Variants in GUCA1C observed in about 807,000 individuals in gnomAD.
The protein encoded by GUCA1C is guanylyl cyclase-activating protein 3.
Under a neutral mutation model 16.2 loss-of-function variants are expected in GUCA1C, and 15 were observed. The ratio of observed to expected loss-of-function variants is 0.93; its 90% CI spans 0.62 to 1.43. The LOEUF is 1.43. Among genes scored for constraint, GUCA1C ranks in the 40% most tolerant of loss-of-function variants. The pLI is 0.00. For synonymous variants in GUCA1C, 78 were observed against 85.4 expected (o/e 0.91, Z 0.48); for missense variants, 275 against 244.8 (o/e 1.12, Z -0.82).
chr3:108,945,579 T>G (rs1270075633), intron 1 of GUCA1C, among the ~76,000 whole-genome samples: 6 of 152,234 alleles, frequency 3.9e-5, no homozygotes. Flanking sequence ...GAGACAGATC[T>G]TAATTTTGAG....
chr3:108,927,675 C>A (rs1576549446), intron 1 of GUCA1C, among the ~76,000 whole-genome samples: 1 of 152,120 alleles, frequency 6.6e-6, no homozygotes, highest in East Asian at 1.9e-4. Context: ...CTTCACCTTC[C>A]TCTGGTGCTT....
chr3:108,932,922 C>A, intron 1 of GUCA1C, among the ~76,000 whole-genome samples: 4 of 94,348 alleles, frequency 4.2e-5, no homozygotes, highest in Non-Finnish European at 4.6e-5. Context: ...AAAAAAAAAT[C>A]TCAAAAAAAA....
chr3:108,939,323 G>GTTTTTTTTTTTTTTTTTTTTTTTTT (rs1491279760), intron 1 of GUCA1C, among the ~76,000 whole-genome samples: 1 of 33,226 alleles, frequency 3.0e-5, no homozygotes, highest in African/African-American at 1.0e-4. Flanking sequence ...TTGCTTCAAG[G>GTTTTTTTTTTTTTTTTTTTTTTTTT]CTTTTTTTTT....
At chr3:108,931,541 C>G (rs1229183855) in intron 1 of GUCA1C, among the ~76,000 whole-genome samples, 1 of 152,216 alleles carries the variant, frequency 6.6e-6, no homozygotes, top group Non-Finnish European at 1.5e-5. Context: ...TTAATCTTTA[C>G]AATTTACAGC....
At chr3:108,953,935 T>C (rs1946925525), upstream of GUCA1C, 3 of 590,394 alleles carry the variant, frequency 5.1e-6, no homozygotes, top group Non-Finnish European at 9.1e-6. Context: ...GATTAACTTA[T>C]CTGCCCAGTT....
chr3:108,909,298 G>A (rs900962806), intron 3 of GUCA1C, among the ~76,000 whole-genome samples: 1 of 152,176 alleles, frequency 6.6e-6, no homozygotes, highest in Non-Finnish European at 1.5e-5. Context: ...AAAAACCTTA[G>A]TTAACAGCAG....
chr3:108,942,707 A>T (rs73200613), intron 1 of GUCA1C, among the ~76,000 whole-genome samples: 1 of 152,198 alleles, frequency 6.6e-6, no homozygotes, highest in African/African-American at 2.4e-5. Flanking sequence ...GTACAATGTG[A>T]GGGAAACCTC....
At chr3:108,911,004 A>G (rs76869195) in intron 3 of GUCA1C, among the ~76,000 whole-genome samples, 4,331 of 152,172 alleles carry the variant, frequency 0.028, 200 homozygotes, top group African/African-American at 0.099. Context: ...TTTTATTTTT[A>G]TAAGTTGAAA....
intron 3 of GUCA1C, among the ~76,000 whole-genome samples, chr3:108,915,125 C>T (rs1205888022): frequency 6.6e-6 from 1 of 152,192 alleles, no homozygotes; most frequent in Non-Finnish European, 1.5e-5. Flanking sequence ...TTCCTCCCGG[C>T]CTCACCATCC....
intron 3 of GUCA1C, among the ~76,000 whole-genome samples, chr3:108,913,732 G>A (rs1484810467): frequency 6.6e-6 from 1 of 152,126 alleles, no homozygotes; most frequent in Non-Finnish European, 1.5e-5. Context: ...ACTCCAAAGT[G>A]TATATAGATG....
chr3:108,954,367 TAAG>T (rs1481961619), upstream of GUCA1C, among the ~76,000 whole-genome samples: 1 of 152,196 alleles, frequency 6.6e-6, no homozygotes, highest in Non-Finnish European at 1.5e-5. Context: ...TAAATAGTAG[TAAG>T]AAGAACTTCA....
Position 108,953,578 on chromosome 3 carries a change from T to C in GUCA1C, c.185A>G (p.Asn62Ser). Residue 62 changes from asparagine (N) to serine (S), a missense_variant, in exon 1 of 4, where the codon AAT becomes AGT. Asn to Ser is a conservative substitution (Grantham distance 46). Transcript: ENST00000261047. The part of the protein sequence containing the change: ...KANKHIDQVY[N>S]TFDTNKDGFV... ...TCTTACCTTGTTCGTGTCAAAGGTA[T>C]TATAAACTTGATCAATATGTTTATT... 1.2e-6 allele frequency: 2 copies of C among 1,605,480 alleles called. No individual in the cohort carries two copies. Among genetic ancestry groups the C allele is most frequent in the Non-Finnish European group, 1.7e-6 (2 of 1,172,162 alleles).
chr3:108,949,476 G>A (rs1423132196), intron 1 of GUCA1C, among the ~76,000 whole-genome samples: 2 of 152,172 alleles, frequency 1.3e-5, no homozygotes, highest in South Asian at 2.1e-4. Flanking sequence ...GGAATAACCC[G>A]GCCTTAGTAT....
upstream of GUCA1C, chr3:108,954,030 T>C (rs1038276707): frequency 3.3e-5 from 15 of 454,224 alleles, no homozygotes; most frequent in African/African-American, 2.9e-4. Context: ...GAACACGCAA[T>C]ATTTTAGAGA....
chr3:108,909,813 A>T (rs188223100), intron 3 of GUCA1C, among the ~76,000 whole-genome samples: 2,034 of 145,496 alleles, frequency 0.014, 26 homozygotes, highest in Non-Finnish European at 0.021. Context: ...CACTTACCAT[A>T]AAAAAAAATC....
intron 1 of GUCA1C, among the ~76,000 whole-genome samples, chr3:108,952,838 T>C (rs995916902): frequency 6.6e-6 from 1 of 152,148 alleles, no homozygotes; most frequent in Non-Finnish European, 1.5e-5. Context: ...CTGAGCCTGA[T>C]ATTTCAGGTT....
At chr3:108,919,652 G>T (rs987445512) in intron 2 of GUCA1C, among the ~76,000 whole-genome samples, 4 of 152,044 alleles carry the variant, frequency 2.6e-5, no homozygotes, top group African/African-American at 9.7e-5. Context: ...TATAAAAGTA[G>T]TTCTACTCAC....
intron 1 of GUCA1C, among the ~76,000 whole-genome samples, chr3:108,924,123 G>A (rs1300540889): frequency 6.6e-6 from 1 of 152,092 alleles, no homozygotes; most frequent in Non-Finnish European, 1.5e-5. Flanking sequence ...CCTCTTTACT[G>A]ATTTGGATTC....
chr3:108,952,726 C>T (rs1053070176), intron 1 of GUCA1C, among the ~76,000 whole-genome samples: 31 of 152,120 alleles, frequency 2.0e-4, no homozygotes, highest in Non-Finnish European at 3.5e-4. Flanking sequence ...TTTCTATTAG[C>T]ATTTTCTCTG....
Sources: gnomAD v4.1 joint callset for allele counts (sites outside exome capture counted in the v4.1 genomes callset) on GRCh38, gnomAD v4.1.1 for gene constraint, MANE v1.5 for transcripts, NCBI Gene and HGNC (gene_info 2026-07-23, HGNC 2026-07-21) for gene names.